CFAP52: variants seen among roughly 807,000 people sequenced by gnomAD.
The protein encoded by CFAP52 is cilia and flagella associated protein 52, also known as cilia- and flagella-associated protein 52.
CFAP52 carries 57 observed loss-of-function variants against 70.5 expected under a neutral mutation model. That is an observed-to-expected ratio of 0.81 (90% confidence interval 0.65 to 1.01). CFAP52 has a LOEUF of 1.01. Among genes scored for constraint, CFAP52 ranks in the 50% least tolerant of loss-of-function variants. The pLI is 0.00. For missense variants in CFAP52, 785 were observed against 788.5 expected (o/e 1.00, Z 0.05); for synonymous variants, 267 against 292.5 (o/e 0.91, Z 0.89).
intron 7 of CFAP52, among the ~76,000 whole-genome samples, chr17:9,611,746 T>C (rs1909718245): frequency 6.6e-6 from 1 of 152,244 alleles, no homozygotes; most frequent in South Asian, 2.1e-4. Context: ...TTCAGTATTA[T>C]GATGTAATCT....
At chr17:9,624,198 A>G (rs980835257) in intron 8 of CFAP52, among the ~76,000 whole-genome samples, 1 of 151,712 alleles carries the variant, frequency 6.6e-6, no homozygotes, top group African/African-American at 2.4e-5. Flanking sequence ...AACTTTTTGA[A>G]TCTATAAGCT....
chr17:9,587,110 A>G (rs1908531291), intron 3 of CFAP52, among the ~76,000 whole-genome samples: 1 of 152,174 alleles, frequency 6.6e-6, no homozygotes, highest in African/African-American at 2.4e-5. Context: ...ATAAGTAAGA[A>G]CCTGTGGTAT....
chr17:9,584,118 AC>A (rs1908341108), intron 1 of CFAP52: 1 of 1,095,556 alleles, frequency 9.1e-7, no homozygotes, highest in Middle Eastern at 4.0e-4. Flanking sequence ...CCCTGTTCTT[AC>A]CAGGCTGGTC....
intron 11 of CFAP52, among the ~76,000 whole-genome samples, chr17:9,636,914 G>A (rs1356559175): frequency 2.0e-5 from 3 of 152,120 alleles, no homozygotes; most frequent in Non-Finnish European, 2.9e-5. Flanking sequence ...GCGTGGTGGC[G>A]CGTGCCTGTT....
In CFAP52 at chr17:9,623,756, G is replaced by A. The variant is rs569539483; in HGVS notation, c.1026-4916G>A. ...GATGGAGTCAAGTGTCCATTCACCC[G>A]CATGATCATAGCACACTGCAGCCTA... On this transcript the variant is annotated intron_variant, in intron 8 of 13. Transcript: ENST00000352665. 8.5e-5 allele frequency among the ~76,000 whole-genome samples: 13 copies of A among 152,138 alleles called. No individual in the cohort carries two copies. In the East Asian group the frequency reaches 1.5e-3, roughly 18 times the overall value.
chr17:9,597,217 A>G (rs1567624370), intron 4 of CFAP52, among the ~76,000 whole-genome samples: 1 of 152,156 alleles, frequency 6.6e-6, no homozygotes, highest in Admixed American at 6.6e-5. Context: ...AGGTTTGTCC[A>G]TGTTGTCACA....
chr17:9,578,120 A>T (rs1300740461), intron 1 of CFAP52, among the ~76,000 whole-genome samples: 3 of 152,094 alleles, frequency 2.0e-5, no homozygotes, highest in Non-Finnish European at 2.9e-5. Context: ...TAAACAAACA[A>T]ACATACATAT....
chr17:9,583,866 C>T (rs1908329876), intron 1 of CFAP52, among the ~76,000 whole-genome samples: 1 of 152,124 alleles, frequency 6.6e-6, no homozygotes, highest in African/African-American at 2.4e-5. Flanking sequence ...CAAGTTTGGG[C>T]CACTTGTCAC....
chr17:9,600,252 T>C (rs1470439905), intron 6 of CFAP52, 69 bp downstream of exon 6: 13 of 1,361,904 alleles, frequency 9.5e-6, no homozygotes, highest in East Asian at 6.9e-5. Context: ...CTTTTTTTTT[T>C]CCTTTTTGAG....
intron 7 of CFAP52, among the ~76,000 whole-genome samples, chr17:9,609,092 C>A (rs113106614): frequency 6.6e-6 from 1 of 152,082 alleles, no homozygotes; most frequent in East Asian, 1.9e-4. Context: ...GCCTCTGCTA[C>A]CCCCAGGAAG....
At chr17:9,616,023 G>C (rs576618996) in intron 8 of CFAP52, among the ~76,000 whole-genome samples, 2 of 150,688 alleles carry the variant, frequency 1.3e-5, no homozygotes. Context: ...GAACAGCTCC[G>C]GTCTACAGCT....
At chr17:9,632,836 G>A in intron 9 of CFAP52, 52 bp from the exon 10 acceptor site, 4 of 1,589,130 alleles carry the variant, frequency 2.5e-6, no homozygotes, top group Non-Finnish European at 3.4e-6. Context: ...AGACTGTGGA[G>A]AGAGGGTGCA....
Position 9,628,735 on chromosome 17 carries a change from C to T in CFAP52, c.1089C>T (p.Ser363=). ...KKDIRVWHTS[S]NRELLRITVP... is the part of the protein sequence containing the mutation. ...ATATCAGGGTGTGGCACACATCATCCAACAGGGAGCTGCTGCGGATCACCG... is the reference window on the plus strand; with the variant it reads ...ATATCAGGGTGTGGCACACATCATCTAACAGGGAGCTGCTGCGGATCACCG... The change falls in exon 9 of 14, where the codon TCC becomes TCT. Residue 363 remains serine, a synonymous_variant. Coordinates refer to ENST00000352665, the MANE Select transcript of CFAP52 (RefSeq NM_145054.5). The T allele has an allele frequency of 6.2e-7, 1 of 1,614,134 alleles. No individual in the cohort carries two copies. Among genetic ancestry groups the T allele is most frequent in the Non-Finnish European group, 8.5e-7 (1 of 1,180,030 alleles).
At chr17:9,595,303 G>C (rs1908948886) in intron 4 of CFAP52, among the ~76,000 whole-genome samples, 1 of 152,058 alleles carries the variant, frequency 6.6e-6, no homozygotes, top group East Asian at 1.9e-4. Flanking sequence ...TACTTTTCCA[G>C]CTAGAGAAGA....
chr17:9,578,048 C>T (rs1005533227), intron 1 of CFAP52, among the ~76,000 whole-genome samples: 15 of 152,244 alleles, frequency 9.9e-5, no homozygotes, highest in Middle Eastern at 3.4e-3. Flanking sequence ...GCCAAGGTCA[C>T]GCCACTGCAC....
intron 8 of CFAP52, among the ~76,000 whole-genome samples, chr17:9,623,419 C>T (rs1910119795): frequency 6.6e-6 from 1 of 152,094 alleles, no homozygotes; most frequent in Admixed American, 6.6e-5. Context: ...AATCCATTTA[C>T]ATTTAATATA....
At chr17:9,631,052 G>GAGAGAGAGAGAGAGAAAGAA (rs370935367) in intron 9 of CFAP52, among the ~76,000 whole-genome samples, 13 of 37,954 alleles carry the variant, frequency 3.4e-4, no homozygotes, top group African/African-American at 6.6e-4. Flanking sequence ...GAGAGAGAGA[G>GAGAGAGAGAGAGAGAAAGAA]AGAAAGAAAG....
intron 6 of CFAP52, among the ~76,000 whole-genome samples, chr17:9,607,015 A>G (rs1909517956): frequency 6.6e-6 from 1 of 152,186 alleles, no homozygotes. Context: ...TTAAGACACA[A>G]ACCTATACAG....
rs1399980520 is a variant in CFAP52, at chr17:9,584,740, G to A, written c.71-1033G>A. On this transcript the variant is annotated intron_variant, in intron 1 of 13. Transcript: ENST00000352665. ...GGGTTCCAGTGATTCTCCTGCCTCAGCCTCCCGAGTAGCTGGGATTACAGG... is the reference window on the plus strand; with the variant it reads ...GGGTTCCAGTGATTCTCCTGCCTCAACCTCCCGAGTAGCTGGGATTACAGG... 2.0e-5 allele frequency among the ~76,000 whole-genome samples: 3 copies of A among 152,094 alleles called. No individual in the cohort carries two copies. The East Asian group carries it at 5.8e-4, about 30-fold the overall frequency.
Sources: allele counts gnomAD v4.1 joint callset (sites outside exome capture counted in the v4.1 genomes callset), GRCh38; gene constraint gnomAD v4.1.1; transcripts MANE v1.5; gene names NCBI Gene and HGNC (gene_info 2026-07-23, HGNC 2026-07-21).